COL25A1: variants seen among roughly 807,000 people sequenced by gnomAD.
COL25A1 encodes the protein collagen alpha-1(XXV) chain.
A neutral mutation model predicts 128.4 loss-of-function variants in COL25A1; 103 were observed. The ratio of observed to expected loss-of-function variants is 0.80; its 90% CI spans 0.68 to 0.94. The LOEUF (loss-of-function observed/expected upper bound fraction) is 0.94, where lower values mean the gene tolerates loss of function less well. Ranked by LOEUF, COL25A1 falls within the 40% of genes least tolerant of loss-of-function variation. The pLI, the probability that COL25A1 is intolerant of heterozygous loss-of-function variation, is 0.00. For missense variants in COL25A1, 745 were observed against 840.0 expected (o/e 0.89, Z 1.40); for synonymous variants, 279 against 277.2 (o/e 1.01, Z -0.06).
intron 19 of COL25A1, among the ~76,000 whole-genome samples, chr4:108,877,165 A>T (rs1480468603): frequency 6.6e-6 from 1 of 152,256 alleles, no homozygotes; most frequent in Non-Finnish European, 1.5e-5. Context: ...GCATTCAGAT[A>T]CAGAAGCAAG....
chr4:109,256,085 G>GGTGTGTGTGTGTGTGTGTGTGT (rs60794002), intron 3 of COL25A1, among the ~76,000 whole-genome samples: 1,552 of 143,234 alleles, frequency 0.011, 30 homozygotes, highest in African/African-American at 0.038. Flanking sequence ...TTTAAGCATT[G>GGTGTGTGTGTGTGTGTGTGTGT]GTGTGTGTGT....
intron 4 of COL25A1, among the ~76,000 whole-genome samples, chr4:109,048,425 C>T (rs569474784): frequency 6.6e-6 from 1 of 152,078 alleles, no homozygotes; most frequent in African/African-American, 2.4e-5. Flanking sequence ...TGAAGCCTGT[C>T]TATGAATTAC....
rs539313438 is a variant in COL25A1 at position 109,301,175 on chromosome 4, C to T, written c.298-523G>A. Among the ~76,000 whole-genome samples, 4 of 152,040 alleles carry T rather than the reference C, an allele frequency of 2.6e-5. No homozygotes were observed. The South Asian group carries it at 6.2e-4, about 24-fold the overall frequency. On this transcript the variant is annotated intron_variant, in intron 2 of 37. Transcript: ENST00000399132. ...CCAAGGGCTCTGCATTCATAAATAC[C>T]CCGGCACTGCATCCTTTACCAAAAA...
At chr4:109,226,266 TA>T (rs1259671602) in intron 3 of COL25A1, among the ~76,000 whole-genome samples, 1 of 152,072 alleles carries the variant, frequency 6.6e-6, no homozygotes, top group Non-Finnish European at 1.5e-5. Context: ...AGAAATCACT[TA>T]ATGAGTACAA....
chr4:108,897,256 T>C (rs568097791), intron 15 of COL25A1, among the ~76,000 whole-genome samples: 7 of 152,336 alleles, frequency 4.6e-5, no homozygotes, highest in Non-Finnish European at 1.0e-4. Flanking sequence ...TGGTTTGCAT[T>C]TGTGAAATGA....
At chr4:108,852,996 G>T in intron 24 of COL25A1, 71 bp from the exon 25 acceptor site, 1 of 1,371,816 alleles carries the variant, frequency 7.3e-7, no homozygotes, top group South Asian at 1.2e-5. Flanking sequence ...ATACATTTGT[G>T]AAATAATCAA....
intron 3 of COL25A1, among the ~76,000 whole-genome samples, chr4:109,247,548 C>T (rs17040187): frequency 0.036 from 5,495 of 152,128 alleles, 335 homozygotes; most frequent in African/African-American, 0.13. Flanking sequence ...ATATTGCTTA[C>T]GTACAATGCA....
chr4:109,256,631 A>T (rs111552637), intron 3 of COL25A1, among the ~76,000 whole-genome samples: 18 of 152,294 alleles, frequency 1.2e-4, no homozygotes, highest in Middle Eastern at 3.4e-3. Flanking sequence ...TTTGGTTGAC[A>T]TAATGTTAAC....
At chr4:109,080,067 G>A (rs536922769) in intron 3 of COL25A1, among the ~76,000 whole-genome samples, 2 of 152,146 alleles carry the variant, frequency 1.3e-5, no homozygotes, top group African/African-American at 2.4e-5. Flanking sequence ...TTGAGCTGTC[G>A]TTATCATTAC....
chr4:109,039,595 T>C (rs1618378), intron 5 of COL25A1, among the ~76,000 whole-genome samples: 76,484 of 152,042 alleles, frequency 0.5, 21,274 homozygotes, highest in African/African-American at 0.73. Context: ...TGCACCTTGG[T>C]ATATCCTGAG....
At chr4:109,156,491 G>A (rs953294499) in intron 3 of COL25A1, among the ~76,000 whole-genome samples, 16 of 152,114 alleles carry the variant, frequency 1.1e-4, no homozygotes, top group Non-Finnish European at 2.2e-4. Flanking sequence ...GTATTCATCT[G>A]TTAGTGATTT....
At chr4:109,142,417 T>C (rs1770500314) in intron 3 of COL25A1, among the ~76,000 whole-genome samples, 1 of 152,218 alleles carries the variant, frequency 6.6e-6, no homozygotes, top group Non-Finnish European at 1.5e-5. Flanking sequence ...GAGAGTTCTG[T>C]AGATGTCTAT....
At chr4:108,827,267 G>A (rs1022645839) in intron 32 of COL25A1, 79 bp from the exon 33 acceptor site, 1 of 1,215,164 alleles carries the variant, frequency 8.2e-7, no homozygotes, top group African/African-American at 1.5e-5. Flanking sequence ...TATGTCTAAA[G>A]CCTCTATTTC....
Position 109,114,277 on chromosome 4 carries a change from C to T in COL25A1, c.368-64098G>A, listed in dbSNP as rs182495833. Among the ~76,000 whole-genome samples, 310 of 152,082 alleles carry T rather than the reference C, an allele frequency of 2.0e-3. 1 individual carries two copies. Among genetic ancestry groups the T allele is most frequent in the Middle Eastern group, 3.4e-3 (1 of 294 alleles). On this transcript the variant is annotated intron_variant, in intron 3 of 37. Transcript: ENST00000399132. ...ACCTTTAATTATGTGCTGGCAATAT[C>T]GACATAGTTCAATATTGGCATAGTT...
intron 5 of COL25A1, among the ~76,000 whole-genome samples, chr4:109,014,991 C>T (rs1031295587): frequency 6.6e-6 from 1 of 152,184 alleles, no homozygotes; most frequent in African/African-American, 2.4e-5. Flanking sequence ...AGTCCGGCAG[C>T]GCCGAGTCTT....
chr4:108,832,447 A>G lies in COL25A1; in HGVS notation c.1657-14T>C. ...ACCATCTGTACCCTAAAAAAAAGATAATATGAGATATATCACAAGGGCTGC... is the reference window on the plus strand; with the variant it reads ...ACCATCTGTACCCTAAAAAAAAGATGATATGAGATATATCACAAGGGCTGC... On this transcript the variant is annotated splice_polypyrimidine_tract_variant and intron_variant, in intron 31 of 37. Transcript: ENST00000399132. The G allele has an allele frequency of 6.4e-7, 1 of 1,564,766 alleles. No individual in the cohort carries two copies. Among genetic ancestry groups the G allele is most frequent in the South Asian group, 1.1e-5 (1 of 87,234 alleles).
chr4:108,898,055 A>G (rs1460801838), intron 15 of COL25A1, among the ~76,000 whole-genome samples: 1 of 152,190 alleles, frequency 6.6e-6, no homozygotes, highest in African/African-American at 2.4e-5. Context: ...TAAATGTCCT[A>G]GTAATGTGTT....
chr4:108,868,813 A>G (rs1260667372), intron 20 of COL25A1, among the ~76,000 whole-genome samples: 1 of 147,046 alleles, frequency 6.8e-6, no homozygotes, highest in Non-Finnish European at 1.5e-5. Context: ...GGAAAGAAGG[A>G]AGGAAAGGAA....
intron 3 of COL25A1, among the ~76,000 whole-genome samples, chr4:109,063,749 T>C (rs191393705): frequency 2.2e-4 from 33 of 152,236 alleles, no homozygotes; most frequent in African/African-American, 7.9e-4. Context: ...CACCGGAATT[T>C]TTGTTTGAAA....
Sources: allele counts gnomAD v4.1 joint callset (sites outside exome capture counted in the v4.1 genomes callset), GRCh38; gene constraint gnomAD v4.1.1; transcripts MANE v1.5; gene names NCBI Gene and HGNC (gene_info 2026-07-23, HGNC 2026-07-21).